The following LYN variants were observed in gnomAD, a reference collection of about 807,000 sequenced individuals.
LYN encodes LYN proto-oncogene, Src family tyrosine kinase.
Under a neutral mutation model 65.0 loss-of-function variants are expected in LYN, and 12 were observed. The ratio of observed to expected loss-of-function variants is 0.18; its 90% CI spans 0.12 to 0.30. The LOEUF (loss-of-function observed/expected upper bound fraction) is 0.30. LYN is among the 10% of genes least tolerant of loss of function. LYN has a pLI of 1.00. For missense variants in LYN, 380 were observed against 623.2 expected, an observed-to-expected ratio of 0.61 and a Z score of 4.16; for synonymous variants, 222 against 221.2, an observed-to-expected ratio of 1.00 and a Z score of -0.03.
chr8:55,883,026 G>A (rs936807461), intron 1 of LYN, among the ~76,000 whole-genome samples: 1 of 152,146 alleles, frequency 6.6e-6, no homozygotes. Context: ...TTATAGATTA[G>A]CCTAACCTAC....
Position 55,879,964 on chromosome 8 carries a change from C to A in LYN, c.-145C>A. ...CGCGCCACCCCCGGCCCCGCGCCAG[C>A]AGCCCCTCGCCGCGCGTCCAGCGTT... On this transcript the variant is annotated 5_prime_UTR_variant, in exon 1 of 13. Coordinates refer to ENST00000519728, the MANE Select transcript of LYN (RefSeq NM_002350.4). 4.1e-6 allele frequency: 1 copy of A among 244,566 alleles called. No homozygotes were observed. 15.1% of individuals were successfully genotyped at this position (244,566 alleles called of 1,614,324 possible).
intron 10 of LYN, among the ~76,000 whole-genome samples, chr8:55,974,786 G>A (rs1036830768): frequency 6.6e-6 from 1 of 152,110 alleles, no homozygotes; most frequent in Non-Finnish European, 1.5e-5. Context: ...TATCTTCAAA[G>A]CCTTGATTAG....
chr8:55,953,646 T>A (rs182279346), intron 7 of LYN, among the ~76,000 whole-genome samples, 186 bp from the exon 8 acceptor site: 4 of 151,570 alleles, frequency 2.6e-5, no homozygotes, highest in African/African-American at 9.7e-5. Context: ...AAACTTCATC[T>A]CAAAAAAAAG....
At chr8:55,908,522 G>A (rs1331626406) in intron 1 of LYN, among the ~76,000 whole-genome samples, 1 of 152,096 alleles carries the variant, frequency 6.6e-6, no homozygotes. Context: ...TGGGATTCCA[G>A]GCCTGAGCCA....
intron 1 of LYN, among the ~76,000 whole-genome samples, chr8:55,910,956 G>C (rs974205927): frequency 1.4e-5 from 2 of 144,662 alleles, no homozygotes; most frequent in African/African-American, 5.1e-5. Flanking sequence ...GAGTGCAGTG[G>C]TGCAGTCTTG....
chr8:55,947,556 A>G (rs894348817), intron 3 of LYN, 62 bp from the exon 4 acceptor site: 13 of 1,152,964 alleles, frequency 1.1e-5, no homozygotes, highest in Non-Finnish European at 1.6e-5. Flanking sequence ...GTGCCCCATG[A>G]GGTTTGTTAA....
intron 10 of LYN, among the ~76,000 whole-genome samples, chr8:55,974,975 T>A (rs1647988613): frequency 6.6e-6 from 1 of 152,116 alleles, no homozygotes; most frequent in Non-Finnish European, 1.5e-5. Context: ...CCCCTCCACG[T>A]GGAAATTCTC....
At chr8:55,995,235 G>C (rs1228150746) in intron 10 of LYN, among the ~76,000 whole-genome samples, 1 of 152,182 alleles carries the variant, frequency 6.6e-6, no homozygotes, top group African/African-American at 2.4e-5. Flanking sequence ...AGACTCAGGA[G>C]CTCTGCCTTC....
chr8:55,953,810 T>C, intron 7 of LYN, 22 bp from the exon 8 acceptor site: 7 of 1,611,864 alleles, frequency 4.3e-6, no homozygotes, highest in Non-Finnish European at 5.9e-6. Context: ...TTCTTAACCT[T>C]CATTTTTCCC....
chr8:55,880,045 C>A lies in LYN; in HGVS notation c.-64C>A. On this transcript the variant is annotated 5_prime_UTR_variant, in exon 1 of 13. Transcript: ENST00000519728. ...CTGCTGGGCCGCCCCGTCGCGCCCC[C>A]CACTCTGAACTCAAGTCACCGTGGA... 1 of 312,116 alleles carries A rather than the reference C, an allele frequency of 3.2e-6. No homozygotes were observed. 19.3% of individuals were successfully genotyped at this position (312,116 alleles called of 1,614,324 possible). A position where few individuals can be genotyped will look rare whatever the true frequency, so the allele number is the denominator to read the frequency against.
At chr8:55,911,790 T>C (rs1805646800) in intron 1 of LYN, among the ~76,000 whole-genome samples, 1 of 152,102 alleles carries the variant, frequency 6.6e-6, no homozygotes, top group East Asian at 1.9e-4. Flanking sequence ...ATTTGAAGAT[T>C]GAGAAACAGA....
intron 1 of LYN, among the ~76,000 whole-genome samples, chr8:55,911,006 C>T (rs569667483): frequency 4.1e-4 from 60 of 145,126 alleles, no homozygotes; most frequent in African/African-American, 1.4e-3. Flanking sequence ...AAGCGATTCT[C>T]CTGCCTCAGC....
chr8:55,963,965 T>G (rs1807365091), intron 8 of LYN, among the ~76,000 whole-genome samples: 1 of 152,180 alleles, frequency 6.6e-6, no homozygotes, highest in Non-Finnish European at 1.5e-5. Flanking sequence ...TAATAAAACC[T>G]TTTTGATTTA....
intron 1 of LYN, among the ~76,000 whole-genome samples, chr8:55,893,187 C>T (rs986510422): frequency 6.6e-6 from 1 of 152,210 alleles, no homozygotes; most frequent in African/African-American, 2.4e-5. Context: ...CTAAAATTCT[C>T]ACACATGAGT....
At chr8:56,001,509 CT>C (rs1808510657) in intron 12 of LYN, among the ~76,000 whole-genome samples, 1 of 152,130 alleles carries the variant, frequency 6.6e-6, no homozygotes, top group Non-Finnish European at 1.5e-5. Flanking sequence ...CAGTTGGCAG[CT>C]GAAAGCCTTT....
chr8:55,998,594 G>T, intron 11 of LYN, 95 bp downstream of exon 11: 1 of 1,162,092 alleles, frequency 8.6e-7, no homozygotes, highest in African/African-American at 1.5e-5. Flanking sequence ...TCACCATTAA[G>T]AAAAACTTAT....
intron 10 of LYN, among the ~76,000 whole-genome samples, chr8:55,984,073 C>T (rs1022827355): frequency 2.0e-5 from 3 of 152,126 alleles, no homozygotes; most frequent in South Asian, 2.1e-4. Context: ...CTCTGTCTTC[C>T]GGTGGCCTCT....
chr8:55,924,057 T>TTTTC (rs1290309512), intron 1 of LYN, among the ~76,000 whole-genome samples: 13 of 149,712 alleles, frequency 8.7e-5, no homozygotes, highest in Non-Finnish European at 1.9e-4. Flanking sequence ...TGTTTTTTCT[T>TTTTC]TTTCTTTCTT....
chr8:55,937,528 C>T (rs75844501), intron 1 of LYN, among the ~76,000 whole-genome samples: 206 of 152,260 alleles, frequency 1.4e-3, no homozygotes, highest in Non-Finnish European at 2.4e-3. Context: ...GTCATGCTAG[C>T]GGGAACATCC....
Sources: allele counts gnomAD v4.1 joint callset (sites outside exome capture counted in the v4.1 genomes callset), GRCh38; gene constraint gnomAD v4.1.1; transcripts MANE v1.5; gene names NCBI Gene and HGNC (gene_info 2026-07-23, HGNC 2026-07-21).